The following ZMPSTE24 variants were observed in gnomAD, a reference collection of about 807,000 sequenced individuals.
ZMPSTE24 encodes the protein zinc metallopeptidase STE24, also known as CAAX prenyl protease 1 homolog.
Under a neutral mutation model 56.7 loss-of-function variants are expected in ZMPSTE24, and 48 were observed. The observed-to-expected ratio is 0.85, with a 90% confidence interval of 0.67 to 1.08. The LOEUF is 1.08. Ranked by LOEUF, ZMPSTE24 falls within the 50% of genes least tolerant of loss-of-function variation. The pLI, the probability that ZMPSTE24 is intolerant of heterozygous loss-of-function variation, is 0.00. For synonymous variants in ZMPSTE24, 172 were observed against 195.2 expected, an observed-to-expected ratio of 0.88 and a Z score of 0.99; for missense variants, 503 against 548.7, an observed-to-expected ratio of 0.92 and a Z score of 0.83.
At chr1:40,288,833 G>A (rs1375668273) in intron 8 of ZMPSTE24, among the ~76,000 whole-genome samples, 1 of 151,646 alleles carries the variant, frequency 6.6e-6, no homozygotes, top group African/African-American at 2.4e-5. Flanking sequence ...TAATTCAGCC[G>A]AACCATTTTT....
At chr1:40,269,403 A>T (rs1643590663) in intron 4 of ZMPSTE24, among the ~76,000 whole-genome samples, 1 of 152,118 alleles carries the variant, frequency 6.6e-6, no homozygotes, top group Admixed American at 6.5e-5. Flanking sequence ...CTTAAAAAAA[A>T]AAAAGAAATT....
chr1:40,289,137 G>A (rs1643814349), intron 8 of ZMPSTE24, among the ~76,000 whole-genome samples: 1 of 152,220 alleles, frequency 6.6e-6, no homozygotes, highest in South Asian at 2.1e-4. Flanking sequence ...GGTTGTTGGT[G>A]GTAGGAGTTG....
intron 9 of ZMPSTE24, 89 bp downstream of exon 9, chr1:40,291,086 A>G (rs552812326): frequency 1.3e-6 from 2 of 1,517,494 alleles, no homozygotes; most frequent in Admixed American, 1.9e-5. Context: ...GAAATAGAAC[A>G]GTACAGTTTT....
chr1:40,266,524 G>A (rs567424504), intron 2 of ZMPSTE24, among the ~76,000 whole-genome samples: 3 of 152,234 alleles, frequency 2.0e-5, no homozygotes, highest in South Asian at 4.1e-4. Context: ...GGGTGGTGCT[G>A]AGGAAGAGCC....
chr1:40,281,805 G>A (rs1643733128), intron 7 of ZMPSTE24, among the ~76,000 whole-genome samples: 1 of 151,952 alleles, frequency 6.6e-6, no homozygotes, highest in African/African-American at 2.4e-5. Flanking sequence ...AGGAACTTGT[G>A]TGTATATATA....
chr1:40,280,161 A>T (rs1411044103), intron 6 of ZMPSTE24, among the ~76,000 whole-genome samples: 2 of 152,018 alleles, frequency 1.3e-5, no homozygotes, highest in Non-Finnish European at 2.9e-5. Flanking sequence ...GTCGACATTG[A>T]GTTCTTCGGC....
intron 8 of ZMPSTE24, among the ~76,000 whole-genome samples, chr1:40,286,510 TC>T (rs1432482613): frequency 6.6e-5 from 10 of 152,068 alleles, no homozygotes; most frequent in Middle Eastern, 3.2e-3. Context: ...AACCTCTGCC[TC>T]TCAGGTTCAA....
At chr1:40,286,073 A>T in intron 8 of ZMPSTE24, 44 bp downstream of exon 8, 1 of 1,525,044 alleles carries the variant, frequency 6.6e-7, no homozygotes, top group Non-Finnish European at 9.1e-7. Context: ...ATGATAGTCA[A>T]ATTAGAACTA....
At chr1:40,273,255 C>T (rs991206808) in intron 6 of ZMPSTE24, among the ~76,000 whole-genome samples, 1 of 152,036 alleles carries the variant, frequency 6.6e-6, no homozygotes, top group African/African-American at 2.4e-5. Context: ...CTGTGGCTCA[C>T]GCCTGTAATC....
At chr1:40,258,797 AC>A (rs1255540531) in intron 1 of ZMPSTE24, among the ~76,000 whole-genome samples, 2 of 152,056 alleles carry the variant, frequency 1.3e-5, no homozygotes, top group African/African-American at 4.8e-5. Flanking sequence ...CCTTCCAAGA[AC>A]TTGCACTCTT....
At chr1:40,292,317 G>A in intron 9 of ZMPSTE24, 128 bp from the exon 10 acceptor site, 2 of 852,818 alleles carry the variant, frequency 2.3e-6, no homozygotes, top group Non-Finnish European at 3.9e-6. Context: ...CTAAATATTA[G>A]TGATCTTTCT....
intron 2 of ZMPSTE24, among the ~76,000 whole-genome samples, chr1:40,261,351 A>ATTTTTTTTTTTTTTTTTTT (rs764643306): frequency 6.9e-6 from 1 of 145,864 alleles, no homozygotes; most frequent in African/African-American, 2.5e-5. Flanking sequence ...ATTTGCCTGG[A>ATTTTTTTTTTTTTTTTTTT]TTTTTTTTTT....
intron 8 of ZMPSTE24, among the ~76,000 whole-genome samples, chr1:40,290,041 G>A (rs891590846): frequency 3.9e-5 from 6 of 152,130 alleles, no homozygotes; most frequent in Admixed American, 2.0e-4. Context: ...AAATGATACA[G>A]TTTATACATT....
Position 40,270,119 on chromosome 1 carries a change from G to C in ZMPSTE24, c.619G>C (p.Val207Leu). Residue 207 changes from valine (V) to leucine (L), a missense_variant, in exon 5 of 10, where the codon GTG becomes CTG. Coordinates refer to ENST00000372759, the MANE Select transcript of ZMPSTE24 (RefSeq NM_005857.5). ...TTATGCCTGGCTGTTCACATTAGTTGTGTCTCTGGTGAGTAAAATCTTTAT... is the reference window on the plus strand; with the variant it reads ...TTATGCCTGGCTGTTCACATTAGTTCTGTCTCTGGTGAGTAAAATCTTTAT... The part of the protein sequence containing the change: ...FIYAWLFTLV[V>L]SLVLVTIYAD... 1 of 1,613,838 alleles carries C rather than the reference G, an allele frequency of 6.2e-7. No individual in the cohort carries two copies. Among genetic ancestry groups the C allele is most frequent in the African/African-American group, 1.3e-5 (1 of 75,044 alleles).
chr1:40,260,804 T>C, intron 1 of ZMPSTE24, 35 bp from the exon 2 acceptor site: 3 of 1,599,550 alleles, frequency 1.9e-6, no homozygotes, highest in Non-Finnish European at 8.6e-7. Flanking sequence ...AATAAACAAC[T>C]ATTTCACTAA....
intron 6 of ZMPSTE24, among the ~76,000 whole-genome samples, chr1:40,273,516 T>TAAAAAAAAAAAAAAAAA: frequency 9.4e-5 from 1 of 10,584 alleles, no homozygotes; most frequent in South Asian, 4.9e-3. Flanking sequence ...AAATTCTGTC[T>TAAAAAAAAAAAAAAAAA]AAAAAAAAAA....
intron 2 of ZMPSTE24, among the ~76,000 whole-genome samples, chr1:40,262,216 T>C (rs973683873): frequency 6.6e-6 from 1 of 152,252 alleles, no homozygotes; most frequent in East Asian, 1.9e-4. Flanking sequence ...TTAACAAGTA[T>C]GGAATAATAA....
rs61779102 is a variant in ZMPSTE24 at position 40,269,012 on chromosome 1, C to A, written c.474+477C>A. ...AATGGCGTGAACCCGGGAGGCAGAGCTTGCAGTGAGCTGAGATCTCGCCAC... is the reference window on the plus strand; with the variant it reads ...AATGGCGTGAACCCGGGAGGCAGAGATTGCAGTGAGCTGAGATCTCGCCAC... On this transcript the variant is annotated intron_variant, in intron 4 of 9. Coordinates refer to ENST00000372759, the MANE Select transcript of ZMPSTE24 (RefSeq NM_005857.5). Among the ~76,000 whole-genome samples, 549 of 141,138 alleles carry A rather than the reference C, an allele frequency of 3.9e-3. 12 individuals carry two copies. Among genetic ancestry groups the A allele is most frequent in the East Asian group, 0.035 (161 of 4,582 alleles). 92.6% of individuals were successfully genotyped at this position (141,138 alleles called of 152,430 possible).
chr1:40,267,978 C>T (rs187876532), intron 3 of ZMPSTE24, 106 bp downstream of exon 3: 234 of 961,450 alleles, frequency 2.4e-4, no homozygotes, highest in Non-Finnish European at 3.8e-4. Flanking sequence ...ATTTGCCTCT[C>T]TGTTTGCATA....
Sources: gnomAD v4.1 joint callset for allele counts (sites outside exome capture counted in the v4.1 genomes callset) on GRCh38, gnomAD v4.1.1 for gene constraint, MANE v1.5 for transcripts, NCBI Gene and HGNC (gene_info 2026-07-23, HGNC 2026-07-21) for gene names.